The following MIA2 variants were observed in gnomAD, a reference collection of about 807,000 sequenced individuals.
MIA2 encodes the protein MIA SH3 domain ER export factor 2.
Under a neutral mutation model 167.8 loss-of-function variants are expected in MIA2, and 127 were observed. The ratio of observed to expected loss-of-function variants is 0.76; its 90% CI spans 0.66 to 0.88. The LOEUF (loss-of-function observed/expected upper bound fraction) is 0.88. Ranked by LOEUF, MIA2 falls within the 40% of genes least tolerant of loss-of-function variation. The probability of loss-of-function intolerance (pLI) is 0.00; values close to 1 mark genes in which losing one functional copy is unlikely to be tolerated. For synonymous variants in MIA2, 552 were observed against 541.9 expected (o/e 1.02, Z -0.26); for missense variants, 1,690 against 1,624.7 (o/e 1.04, Z -0.69).
chr14:39,277,672 TTATATATATATATATGTGTGTATATA>T (rs2058214336), intron 7 of MIA2, among the ~76,000 whole-genome samples: 4 of 30,168 alleles, frequency 1.3e-4, no homozygotes, highest in African/African-American at 3.8e-4. Flanking sequence ...GTAAGATCTT[TTATATATATATATATGTGTGTATATA>T]TATATATATA....
chr14:39,266,886 G>A (rs1030603954), intron 6 of MIA2: 2 of 728,900 alleles, frequency 2.7e-6, no homozygotes, highest in Middle Eastern at 6.8e-4. Flanking sequence ...AAGTCTCGCC[G>A]CCGCCGCCAC....
At chr14:39,265,533 T>A (rs1239339219) in intron 6 of MIA2, 3 of 775,788 alleles carry the variant, frequency 3.9e-6, no homozygotes, top group Non-Finnish European at 6.2e-6. Flanking sequence ...TTTTTCTTTT[T>A]TTTTCATTTT....
At chr14:39,346,916 G>A in intron 26 of MIA2, 1 of 325,794 alleles carries the variant, frequency 3.1e-6, no homozygotes, top group Admixed American at 3.3e-5. Flanking sequence ...TGGAAAGTCA[G>A]TATTTTATTT....
Position 39,377,761 on chromosome 14 carries a change from C to CTT in MIA2, c.2249-9114_2249-9113dup, listed in dbSNP as rs35116122. The stretch of plus-strand genomic sequence containing the variant: ...ATCATTTGTTATACAGGCTCTCTCC[C>CTT]TTTTTTTTTTTAAATTGGCTTTGCT... On this transcript the variant is annotated intron_variant, in intron 23 of 23. Transcript: ENST00000341502. Among the ~76,000 whole-genome samples, 298 of 148,284 alleles carry CTT rather than the reference C, an allele frequency of 2.0e-3. 1 individual carries two copies. The East Asian group carries it at 0.023, about 12-fold the overall frequency.
intron 6 of MIA2, among the ~76,000 whole-genome samples, chr14:39,253,803 T>C (rs2054692969): frequency 6.6e-6 from 1 of 152,190 alleles, no homozygotes; most frequent in Non-Finnish European, 1.5e-5. Context: ...AATTCTATTT[T>C]CACTTGTAAA....
At chr14:39,329,076 T>C (rs1165257308) in intron 25 of MIA2, among the ~76,000 whole-genome samples, 1 of 152,236 alleles carries the variant, frequency 6.6e-6, no homozygotes, top group Non-Finnish European at 1.5e-5. Flanking sequence ...ATTTTCACGA[T>C]ATTGATTCTT....
intron 10 of MIA2, 119 bp downstream of exon 10, chr14:39,291,215 GTTAAAAC>G (rs1345471186): frequency 1.6e-5 from 12 of 761,412 alleles, no homozygotes; most frequent in Non-Finnish European, 2.4e-5. Flanking sequence ...ATCTCTGGAT[GTTAAAAC>G]TTAAATAAGA....
Position 39,299,504 on chromosome 14 carries a change from A to G in MIA2, c.2497-360A>G, listed in dbSNP as rs2062059539. On this transcript the variant is annotated intron_variant, in intron 13 of 28. Coordinates refer to ENST00000640607, the MANE Select transcript of MIA2 (RefSeq NM_001329214.4). Reference sequence around the variant, plus strand: ...TGTGTTTTAGTAGAGACGAGGTTTCACCATGTTGGCCAGGATGGTGGTATT... The same window carrying G: ...TGTGTTTTAGTAGAGACGAGGTTTCGCCATGTTGGCCAGGATGGTGGTATT... Among the ~76,000 whole-genome samples the G allele has an allele frequency of 4.6e-5, 7 of 152,008 alleles. No homozygotes were observed. The South Asian group carries it at 1.0e-3, about 23-fold the overall frequency.
At chr14:39,321,518 A>G (rs942010990) in intron 24 of MIA2, among the ~76,000 whole-genome samples, 5 of 151,572 alleles carry the variant, frequency 3.3e-5, no homozygotes, top group South Asian at 2.1e-4. Context: ...GGGTTTCACC[A>G]TGTTAGCCAG....
downstream of MIA2, among the ~76,000 whole-genome samples, chr14:39,354,454 GAT>G (rs1175685527): frequency 6.6e-6 from 1 of 152,168 alleles, no homozygotes; most frequent in Non-Finnish European, 1.5e-5. Context: ...GTAGATTCTG[GAT>G]ATTAGTCCTT....
intron 9 of MIA2, among the ~76,000 whole-genome samples, chr14:39,287,672 C>T (rs993442155): frequency 6.6e-5 from 10 of 151,994 alleles, no homozygotes; most frequent in African/African-American, 1.9e-4. Context: ...AAGCAATTCT[C>T]CTGCGTCAGC....
chr14:39,344,484 T>C (rs1424732177), intron 25 of MIA2, among the ~76,000 whole-genome samples: 1 of 152,206 alleles, frequency 6.6e-6, no homozygotes, highest in Non-Finnish European at 1.5e-5. Flanking sequence ...CTTCAAACTA[T>C]TTGTATCTTT....
At chr14:39,377,848 G>A (rs879646021) in intron 23 of MIA2, among the ~76,000 whole-genome samples, 6 of 151,782 alleles carry the variant, frequency 4.0e-5, no homozygotes, top group Non-Finnish European at 8.8e-5. Context: ...GAGCCCAGCC[G>A]AGGATTTATC....
At chr14:39,329,714 C>G (rs1275834513) in intron 25 of MIA2, among the ~76,000 whole-genome samples, 1 of 148,724 alleles carries the variant, frequency 6.7e-6, no homozygotes, top group Non-Finnish European at 1.5e-5. Flanking sequence ...TTTTCTGCAT[C>G]TATTGAGATA....
intron 2 of MIA2, among the ~76,000 whole-genome samples, chr14:39,238,253 A>C (rs1477506838): frequency 6.6e-6 from 1 of 151,204 alleles, no homozygotes; most frequent in Non-Finnish European, 1.5e-5. Flanking sequence ...GCTCACTGCA[A>C]CCTCTACTTC....
At chr14:39,237,662 T>G (rs1033414254) in intron 2 of MIA2, among the ~76,000 whole-genome samples, 2 of 152,204 alleles carry the variant, frequency 1.3e-5, no homozygotes, top group Admixed American at 1.3e-4. Context: ...TATTTTTATA[T>G]TTATTTGGAG....
In MIA2 at chr14:39,279,160, C is replaced by CAAA. The variant is rs71435634; in HGVS notation, c.2020-161_2020-159dup. Among the ~76,000 whole-genome samples the CAAA allele has an allele frequency of 2.4e-3, 226 of 96,134 alleles. 7 individuals carry two copies. The highest frequency in any genetic ancestry group is 4.5e-3 in the South Asian group (12 of 2,668). 63.1% of individuals were successfully genotyped at this position (96,134 alleles called of 152,430 possible). A position where few individuals can be genotyped will look rare whatever the true frequency, so the allele number is the denominator to read the frequency against. On this transcript the variant is annotated intron_variant, in intron 7 of 28. Coordinates refer to ENST00000640607, the MANE Select transcript of MIA2 (RefSeq NM_001329214.4). ...TGGGAGACAGAGCAAGACTCTGTCTCAAAAAAAAAAAAAAAAAAGCATTTA... is the reference window on the plus strand; with the variant it reads ...TGGGAGACAGAGCAAGACTCTGTCTCAAAAAAAAAAAAAAAAAAAAAGCATTTA...
intron 6 of MIA2, chr14:39,267,209 G>C (rs775826682): frequency 7.5e-6 from 10 of 1,328,334 alleles, no homozygotes; most frequent in Non-Finnish European, 9.6e-6. Context: ...AGGCTTGTGC[G>C]GGTCGGGCTC....
At chr14:39,328,982 G>GT (rs1443122133) in intron 25 of MIA2, among the ~76,000 whole-genome samples, 2 of 152,108 alleles carry the variant, frequency 1.3e-5, no homozygotes, top group Non-Finnish European at 2.9e-5. Flanking sequence ...ATTTAAAGTA[G>GT]TTTTTTCTAA....
Sources: gnomAD v4.1 joint callset for allele counts (sites outside exome capture counted in the v4.1 genomes callset) on GRCh38, gnomAD v4.1.1 for gene constraint, MANE v1.5 for transcripts, NCBI Gene and HGNC (gene_info 2026-07-23, HGNC 2026-07-21) for gene names.